The following HTR2C variants were observed in gnomAD, a reference collection of about 807,000 sequenced individuals.
HTR2C encodes the protein 5-hydroxytryptamine (serotonin) receptor 2C, G protein-coupled.
HTR2C carries 5 observed loss-of-function variants against 21.0 expected under a neutral mutation model. The observed-to-expected ratio is 0.24, with a 90% CI of 0.12 to 0.50. HTR2C has a LOEUF of 0.50. Among genes scored for constraint, HTR2C ranks in the 20% least tolerant of loss-of-function variants. HTR2C has a pLI of 0.98. For missense variants in HTR2C, 271 were observed against 371.2 expected, an observed-to-expected ratio of 0.73 and a Z score of 2.22; for synonymous variants, 150 against 145.3, an observed-to-expected ratio of 1.03 and a Z score of -0.23.
chrX:114,616,133 GTGT>G (rs1928939226), intron 2 of HTR2C, among the ~76,000 whole-genome samples: 1 of 110,941 alleles, frequency 9.0e-6, no homozygotes, highest in South Asian at 3.8e-4. Context: ...AATAATGTTG[GTGT>G]TGTTAAATAT....
intron 5 of HTR2C, among the ~76,000 whole-genome samples, chrX:114,868,319 T>C (rs1405269700): frequency 9.0e-6 from 1 of 111,407 alleles, no homozygotes; most frequent in Admixed American, 9.6e-5. Context: ...TTTTTTTCTT[T>C]CTTCCTTGCC....
At chrX:114,639,549 T>C (rs1459666651) in intron 2 of HTR2C, 4 of 112,985 alleles carry the variant, frequency 3.5e-5, no homozygotes, top group African/African-American at 1.3e-4. Context: ...ATGGACCCGC[T>C]GGTTGTAATC....
At chrX:114,598,065 T>A (rs112073689) in intron 1 of HTR2C, among the ~76,000 whole-genome samples, 32 of 111,448 alleles carry the variant, frequency 2.9e-4, no homozygotes, top group South Asian at 1.1e-3. Context: ...TAGTTTGAAG[T>A]CTAGTCAGTA....
intron 4 of HTR2C, among the ~76,000 whole-genome samples, chrX:114,810,374 A>C (rs2070519447): frequency 1.8e-5 from 2 of 110,808 alleles, no homozygotes; most frequent in African/African-American, 6.6e-5. Context: ...ACTGCCTTTC[A>C]AGTTTATTTA....
chrX:114,775,340 G>A (rs1331644286), intron 4 of HTR2C: 1 of 532,928 alleles, frequency 1.9e-6, no homozygotes, highest in African/African-American at 2.3e-5. Context: ...TGTCAAAAGT[G>A]ACTTCAATCT....
At position 114,807,276 on chromosome X, in the gene HTR2C, A is replaced by ATATATACACCATATATATACCATG. The variant is rs1569496228; in HGVS notation, c.350-40710_350-40687dup. 3.8e-5 allele frequency among the ~76,000 whole-genome samples: 4 copies of ATATATACACCATATATATACCATG among 105,182 alleles called. 1 individual carries two copies. The highest frequency in any genetic ancestry group is 5.8e-5 in the Non-Finnish European group (3 of 51,829). 91.3% of individuals were successfully genotyped at this position (105,182 alleles called of 115,157 possible). On this transcript the variant is annotated intron_variant, in intron 4 of 5. Coordinates refer to ENST00000276198, the MANE Select transcript of HTR2C (RefSeq NM_000868.4). ...TATATACACCATATATATACCATGT[A>ATATATACACCATATATATACCATG]TATATACACCATATATATACCATGT...
intron 1 of HTR2C, among the ~76,000 whole-genome samples, chrX:114,587,328 A>C (rs184348339): frequency 2.7e-5 from 3 of 111,413 alleles, no homozygotes; most frequent in Non-Finnish European, 5.7e-5. Context: ...TTACCACCTC[A>C]CTTTCATAGC....
chrX:114,827,820 C>T (rs2091972660), intron 4 of HTR2C, among the ~76,000 whole-genome samples: 1 of 110,918 alleles, frequency 9.0e-6, no homozygotes, highest in Non-Finnish European at 1.9e-5. Flanking sequence ...GTTACACTAC[C>T]TTCTGGTTTT....
intron 4 of HTR2C, among the ~76,000 whole-genome samples, chrX:114,803,515 C>T (rs201171583): frequency 0.015 from 1,602 of 106,077 alleles, 36 homozygotes; most frequent in Admixed American, 0.093. Flanking sequence ...TGTTTTTTGG[C>T]TGCATAAAGG....
Position 114,694,434 on chromosome X carries a change from AATATATATATATATATATAT to A in HTR2C, c.-79-32384_-79-32365del, listed in dbSNP as rs782501990. Among the ~76,000 whole-genome samples the A allele has an allele frequency of 6.0e-4, 55 of 91,946 alleles. 1 individual carries two copies. Among genetic ancestry groups the A allele is most frequent in the African/African-American group, 2.2e-3 (49 of 22,485 alleles). 79.8% of individuals were successfully genotyped at this position (91,946 alleles called of 115,157 possible). On this transcript the variant is annotated intron_variant, in intron 2 of 5. Transcript: ENST00000276198. ...CTCTGTTCATTCTATTCCTCAACTA[AATATATATATATATATATAT>A]ATATATATATATATATATATATATA...
chrX:114,797,849 T>A (rs1192106415), intron 4 of HTR2C, among the ~76,000 whole-genome samples: 1 of 111,692 alleles, frequency 9.0e-6, no homozygotes, highest in East Asian at 2.8e-4. Context: ...GACTGAACGA[T>A]CAGCAATTAG....
chrX:114,748,997 A>G (rs1451844822), intron 4 of HTR2C, among the ~76,000 whole-genome samples: 1 of 111,966 alleles, frequency 8.9e-6, no homozygotes, highest in African/African-American at 3.2e-5. Context: ...AACGATTTGT[A>G]TCCTGAATAG....
intron 4 of HTR2C, chrX:114,775,377 A>G (rs782168521): frequency 9.4e-6 from 5 of 529,801 alleles, no homozygotes; most frequent in South Asian, 9.1e-5. Context: ...TGCAGAAGGT[A>G]TGCCTGTGAG....
chrX:114,680,399 C>T (rs1255761515), intron 2 of HTR2C, among the ~76,000 whole-genome samples: 1 of 111,974 alleles, frequency 8.9e-6, no homozygotes, highest in East Asian at 2.8e-4. Flanking sequence ...GTATTTAATA[C>T]AAACTACATA....
chrX:114,865,720 ATTGT>A (rs1312401652), intron 5 of HTR2C, among the ~76,000 whole-genome samples: 1 of 111,243 alleles, frequency 9.0e-6, no homozygotes, highest in Non-Finnish European at 1.9e-5. Flanking sequence ...TTTTTATTAG[ATTGT>A]TTGACTTCAT....
At chrX:114,785,442 A>T (rs1256769836) in intron 4 of HTR2C, among the ~76,000 whole-genome samples, 1 of 111,839 alleles carries the variant, frequency 8.9e-6, no homozygotes, top group African/African-American at 3.3e-5. Flanking sequence ...TTATTACCAC[A>T]TTAGGTTTAT....
intron 4 of HTR2C, among the ~76,000 whole-genome samples, chrX:114,766,894 CAAAGT>C (rs782661543): frequency 0.019 from 2,095 of 111,183 alleles, 51 homozygotes; most frequent in African/African-American, 0.065. Context: ...ATTAAGTCCC[CAAAGT>C]AAACTTAATG....
chrX:114,775,103 C>T (rs1289914530), intron 4 of HTR2C: 1 of 509,066 alleles, frequency 2.0e-6, no homozygotes, highest in Non-Finnish European at 3.6e-6. Flanking sequence ...TGAAGCTTCT[C>T]ATCTTTGACT....
chrX:114,816,863 A>G (rs1222043120), intron 4 of HTR2C, among the ~76,000 whole-genome samples: 1 of 110,638 alleles, frequency 9.0e-6, no homozygotes, highest in African/African-American at 3.3e-5. Context: ...GAAAATGTTG[A>G]CGATTTAAAA....
Sources: allele counts gnomAD v4.1 joint callset (sites outside exome capture counted in the v4.1 genomes callset), GRCh38; gene constraint gnomAD v4.1.1; transcripts MANE v1.5; gene names NCBI Gene and HGNC (gene_info 2026-07-23, HGNC 2026-07-21).